The following PLEKHA5 variants were observed in gnomAD, a reference collection of about 807,000 sequenced individuals.
PLEKHA5 encodes the protein pleckstrin homology domain containing A5.
Under a neutral mutation model 181.9 loss-of-function variants are expected in PLEKHA5, and 55 were observed. That is an observed-to-expected ratio of 0.30 (90% CI 0.24 to 0.38). The LOEUF (loss-of-function observed/expected upper bound fraction) is 0.38. PLEKHA5 is among the 10% of genes least tolerant of loss of function. The pLI, the probability that PLEKHA5 is intolerant of heterozygous loss-of-function variation, is 1.00. For missense variants in PLEKHA5, 1,432 were observed against 1,549.5 expected (o/e 0.92, Z 1.27); for synonymous variants, 535 against 529.4 (o/e 1.01, Z -0.15).
At chr12:19,254,054 T>G in intron 4 of PLEKHA5, 31 bp downstream of exon 4, 2 of 1,302,020 alleles carry the variant, frequency 1.5e-6, no homozygotes, top group Non-Finnish European at 2.2e-6. Context: ...AATGCCTGTA[T>G]TCAAAATTGG....
At chr12:19,196,812 C>CTTTTTTTTT (rs3056387) in intron 3 of PLEKHA5, among the ~76,000 whole-genome samples, 5 of 122,542 alleles carry the variant, frequency 4.1e-5, no homozygotes, top group African/African-American at 6.1e-5. Context: ...TTTTTTTTTT[C>CTTTTTTTTT]TTTTTTTTTT....
At chr12:19,267,198 T>G (rs2152684227) in intron 8 of PLEKHA5, among the ~76,000 whole-genome samples, 1 of 152,302 alleles carries the variant, frequency 6.6e-6, no homozygotes, top group East Asian at 1.9e-4. Flanking sequence ...TAAGGAACTA[T>G]AAGGTTCTTG....
At chr12:19,349,989 G>T (rs977015180) in intron 25 of PLEKHA5, among the ~76,000 whole-genome samples, 2 of 152,238 alleles carry the variant, frequency 1.3e-5, no homozygotes, top group Middle Eastern at 3.4e-3. Flanking sequence ...GCACACACCT[G>T]TAGTCCCAGC....
intron 6 of PLEKHA5, among the ~76,000 whole-genome samples, chr12:19,260,114 GTCTC>G (rs772223900): frequency 5.9e-5 from 9 of 152,066 alleles, no homozygotes; most frequent in Non-Finnish European, 1.2e-4. Flanking sequence ...CTGCCAAAAA[GTCTC>G]TCTTTTTTGC....
At chr12:19,324,232 C>T (rs2091579624) in intron 20 of PLEKHA5, among the ~76,000 whole-genome samples, 1 of 152,134 alleles carries the variant, frequency 6.6e-6, no homozygotes, top group Non-Finnish European at 1.5e-5. Context: ...AAACGTGAGC[C>T]ATTTTTAAAG....
Position 19,192,637 on chromosome 12 carries a change from A to G in PLEKHA5, c.227+60187A>G, listed in dbSNP as rs748404162. Among the ~76,000 whole-genome samples the G allele has an allele frequency of 1.6e-3, 251 of 152,302 alleles. 3 individuals carry two copies. Among genetic ancestry groups the G allele is most frequent in the Non-Finnish European group, 3.4e-4 (23 of 68,028 alleles). On this transcript the variant is annotated intron_variant, in intron 3 of 31. Coordinates refer to ENST00000429027, the MANE Select transcript of PLEKHA5 (RefSeq NM_001256470.2). ...AGAATTGCTTGAACCTGGGAGGTGG[A>G]AGCGGTTTCATTGAGCCCAGATGGC...
intron 24 of PLEKHA5, 89 bp downstream of exon 24, chr12:19,347,271 T>G (rs572401603): frequency 9.5e-6 from 7 of 737,154 alleles, no homozygotes; most frequent in Non-Finnish European, 2.1e-6. Context: ...AACTTTTTTT[T>G]TATTATAACC....
intron 3 of PLEKHA5, among the ~76,000 whole-genome samples, chr12:19,137,525 A>C (rs1258170995): frequency 6.6e-6 from 1 of 152,196 alleles, no homozygotes; most frequent in Non-Finnish European, 1.5e-5. Flanking sequence ...ACGAACTATG[A>C]TCTCAGCTTT....
At chr12:19,300,804 A>T (rs985966860) in intron 15 of PLEKHA5, among the ~76,000 whole-genome samples, 3 of 152,090 alleles carry the variant, frequency 2.0e-5, no homozygotes, top group African/African-American at 7.2e-5. Flanking sequence ...CCATTGATAA[A>T]ATCCAGATCC....
Position 19,320,069 on chromosome 12 carries a change from A to G in PLEKHA5, c.2154+13A>G. ...AAGTCTATATTGTGTATGTGTGTTT[A>G]TATATTATATATATGTATACAATAT... On this transcript the variant is annotated intron_variant, in intron 17 of 31. Coordinates refer to ENST00000429027, the MANE Select transcript of PLEKHA5 (RefSeq NM_001256470.2). The G allele has an allele frequency of 1.1e-6, 1 of 891,484 alleles. No individual in the cohort carries two copies. Among genetic ancestry groups the G allele is most frequent in the South Asian group, 1.6e-5 (1 of 62,340 alleles). 55.2% of individuals were successfully genotyped at this position (891,484 alleles called of 1,614,324 possible). A position where few individuals can be genotyped will look rare whatever the true frequency, so the allele number is the denominator to read the frequency against.
At chr12:19,323,016 ATTTTTTT>A (rs538132540) in intron 20 of PLEKHA5, among the ~76,000 whole-genome samples, 86 of 92,756 alleles carry the variant, frequency 9.3e-4, no homozygotes, top group African/African-American at 3.4e-3. Context: ...ACCTGGCTAG[ATTTTTTT>A]TTTTTTTTTT....
At chr12:19,178,512 G>T (rs945268753) in intron 3 of PLEKHA5, among the ~76,000 whole-genome samples, 1 of 152,206 alleles carries the variant, frequency 6.6e-6, no homozygotes, top group Non-Finnish European at 1.5e-5. Context: ...TAGTTTTCAT[G>T]ATTGAAGTAA....
rs182041237 is a variant in PLEKHA5 at position 19,173,774 on chromosome 12, T to C, written c.227+41324T>C. ...ATCATTTAAAAAGGCATCATGTATT[T>C]TTATACTTTTTGAATTTGGCCAGGT... On this transcript the variant is annotated intron_variant, in intron 3 of 31. Transcript: ENST00000429027. 4.1e-4 allele frequency among the ~76,000 whole-genome samples: 62 copies of C among 152,342 alleles called. 1 individual carries two copies. Among genetic ancestry groups the C allele is most frequent in the African/African-American group, 1.2e-3 (48 of 41,578 alleles).
In PLEKHA5 at chr12:19,273,659, A is replaced by G. The variant is rs547105965; in HGVS notation, c.846-857A>G. Among the ~76,000 whole-genome samples the G allele has an allele frequency of 2.0e-5, 3 of 152,312 alleles. 1 individual carries two copies. The highest frequency in any genetic ancestry group is 7.2e-5 in the African/African-American group (3 of 41,578). On this transcript the variant is annotated intron_variant, in intron 10 of 31. Transcript: ENST00000429027. ...ATTAGGCTCAGGGAAAGACCTAGAT[A>G]TGGCAACTAGAATAGTGAGCAAGTA...
chr12:19,162,700 G>A (rs913937575), intron 3 of PLEKHA5, among the ~76,000 whole-genome samples: 2 of 152,114 alleles, frequency 1.3e-5, no homozygotes, highest in Non-Finnish European at 2.9e-5. Context: ...AAATTGATAT[G>A]GAACAAGTCA....
At chr12:19,323,315 G>A (rs2153051593) in intron 20 of PLEKHA5, among the ~76,000 whole-genome samples, 1 of 152,144 alleles carries the variant, frequency 6.6e-6, no homozygotes, top group South Asian at 2.1e-4. Context: ...CTGAAGTCAG[G>A]AGTTCAAGAC....
intron 25 of PLEKHA5, 58 bp from the exon 26 acceptor site, chr12:19,353,826 A>AG (rs1472950284): frequency 5.0e-6 from 4 of 794,362 alleles, no homozygotes; most frequent in Non-Finnish European, 8.8e-6. Flanking sequence ...GTAAGCTAAA[A>AG]GAAAGCAATG....
intron 3 of PLEKHA5, among the ~76,000 whole-genome samples, chr12:19,224,583 A>C (rs1205185232): frequency 6.6e-6 from 1 of 151,616 alleles, no homozygotes; most frequent in Non-Finnish European, 1.5e-5. Context: ...GCATAAAATA[A>C]GTTTAAATGG....
intron 3 of PLEKHA5, among the ~76,000 whole-genome samples, chr12:19,167,055 C>G (rs1174027693): frequency 1.3e-5 from 2 of 152,156 alleles, no homozygotes; most frequent in African/African-American, 4.8e-5. Flanking sequence ...CTTCACACAC[C>G]CATGCCCCAC....
Sources: gnomAD v4.1 joint callset for allele counts (sites outside exome capture counted in the v4.1 genomes callset) on GRCh38, gnomAD v4.1.1 for gene constraint, MANE v1.5 for transcripts, NCBI Gene and HGNC (gene_info 2026-07-23, HGNC 2026-07-21) for gene names.